The following SCAPER variants were observed in gnomAD, a reference collection of about 807,000 sequenced individuals.
SCAPER encodes the protein S phase cyclin A-associated protein in the endoplasmic reticulum.
SCAPER carries 98 observed loss-of-function variants against 182.2 expected under a neutral mutation model. The observed-to-expected ratio is 0.54, with a 90% CI of 0.46 to 0.64. The LOEUF (loss-of-function observed/expected upper bound fraction) is 0.64, where lower values mean the gene tolerates loss of function less well. Among genes scored for constraint, SCAPER ranks in the 30% least tolerant of loss-of-function variants. The pLI is 0.00. For missense variants in SCAPER, 1,432 were observed against 1,690.0 expected (o/e 0.85, Z 2.68); for synonymous variants, 605 against 564.6 (o/e 1.07, Z -1.01).
chr15:76,808,036 C>T (rs1370582146), intron 5 of SCAPER, among the ~76,000 whole-genome samples: 2 of 152,086 alleles, frequency 1.3e-5, no homozygotes, highest in Non-Finnish European at 2.9e-5. Flanking sequence ...GCAGAAGGGA[C>T]TCAGTATTCT....
intron 23 of SCAPER, among the ~76,000 whole-genome samples, chr15:76,515,932 G>A (rs2042381190): frequency 6.6e-6 from 1 of 152,150 alleles, no homozygotes; most frequent in Non-Finnish European, 1.5e-5. Flanking sequence ...CACAGCCTTG[G>A]AAAAGTCAAG....
intron 20 of SCAPER, among the ~76,000 whole-genome samples, chr15:76,692,415 G>A (rs530595727): frequency 6.6e-5 from 10 of 152,228 alleles, no homozygotes; most frequent in Admixed American, 2.0e-4. Flanking sequence ...AAGGCTGGGC[G>A]TGGTGGCTCT....
chr15:76,683,753 T>TG (rs991758493), intron 20 of SCAPER, among the ~76,000 whole-genome samples: 16 of 149,080 alleles, frequency 1.1e-4, no homozygotes, highest in East Asian at 4.0e-4. Flanking sequence ...CTGTAGGGGG[T>TG]GGGGGGGTCT....
At chr15:76,485,135 A>C (rs2051493575) in intron 24 of SCAPER, among the ~76,000 whole-genome samples, 1 of 152,224 alleles carries the variant, frequency 6.6e-6, no homozygotes, top group South Asian at 2.1e-4. Context: ...AGATGACATG[A>C]TCCTGCATCT....
chr15:76,898,239 A>G (rs2074542328), intron 1 of SCAPER, among the ~76,000 whole-genome samples: 1 of 152,230 alleles, frequency 6.6e-6, no homozygotes, highest in African/African-American at 2.4e-5. Context: ...TCTACCGTCA[A>G]AAAGACAAAA....
intron 5 of SCAPER, among the ~76,000 whole-genome samples, chr15:76,818,227 T>C (rs1481866086): frequency 6.6e-6 from 1 of 152,180 alleles, no homozygotes; most frequent in Admixed American, 6.5e-5. Context: ...GATGCTAGAA[T>C]AAATGGGACA....
At chr15:76,525,555 C>T (rs1010184404) in intron 23 of SCAPER, among the ~76,000 whole-genome samples, 14 of 152,054 alleles carry the variant, frequency 9.2e-5, no homozygotes, top group Non-Finnish European at 8.8e-5. Context: ...TTGTCCACTG[C>T]TTCCATCTTT....
In SCAPER at chr15:76,771,869, T is replaced by C. The variant is rs1176136732; in HGVS notation, c.1121A>G (p.His374Arg). Residue 374 changes from histidine (H) to arginine (R), a missense_variant, in exon 10 of 32, where the codon CAC becomes CGC. By Grantham distance (29) the His-to-Arg change is conservative (BLOSUM62 0). Around this residue, in one of 5 missense-constraint regions of SCAPER, gnomAD observed 480 missense variants for 510.2 expected, o/e 0.94. Coordinates refer to ENST00000563290, the MANE Select transcript of SCAPER (RefSeq NM_020843.4). Reference protein sequence around the residue: ...YVRTSEISAVHIDTECVSVML... With the variant: ...YVRTSEISAVRIDTECVSVML... ...AACTGAAACACACTCTGTATCAATG[T>C]GGACAGCAGATATTTCAGAAGTTCG... The C allele has an allele frequency of 1.9e-6, 3 of 1,613,106 alleles. No homozygotes were observed. Among genetic ancestry groups the C allele is most frequent in the South Asian group, 1.1e-5 (1 of 91,056 alleles).
chr15:76,801,539 T>A (rs1382496228), intron 6 of SCAPER, among the ~76,000 whole-genome samples: 2 of 152,214 alleles, frequency 1.3e-5, no homozygotes, highest in Non-Finnish European at 2.9e-5. Context: ...GATAATGCCA[T>A]CTATAGAGCA....
intron 18 of SCAPER, 29 bp from the exon 19 acceptor site, chr15:76,703,031 T>C (rs1057217252): frequency 1.3e-6 from 2 of 1,512,828 alleles, no homozygotes; most frequent in Admixed American, 2.5e-5. Flanking sequence ...TGCAAGAATT[T>C]CAAAAATTAT....
chr15:76,540,847 G>T (rs2044678500), intron 23 of SCAPER, among the ~76,000 whole-genome samples: 1 of 152,260 alleles, frequency 6.6e-6, no homozygotes, highest in East Asian at 1.9e-4. Context: ...TTGTGGCTGG[G>T]TGCAGTGGCT....
At chr15:76,517,354 T>TC (rs1395988207) in intron 23 of SCAPER, among the ~76,000 whole-genome samples, 1 of 141,656 alleles carries the variant, frequency 7.1e-6, no homozygotes, top group East Asian at 2.2e-4. Context: ...ATTAACATCT[T>TC]TTTTTTTTTT....
At chr15:76,546,364 T>C (rs566356085) in intron 23 of SCAPER, among the ~76,000 whole-genome samples, 1 of 152,212 alleles carries the variant, frequency 6.6e-6, no homozygotes, top group Admixed American at 6.6e-5. Context: ...AGATGTTTTT[T>C]CAACTGTGCT....
intron 25 of SCAPER, among the ~76,000 whole-genome samples, chr15:76,442,046 T>C (rs1037876580): frequency 1.3e-5 from 2 of 151,886 alleles, no homozygotes; most frequent in South Asian, 2.2e-4. Context: ...TATCTATCTA[T>C]CTATATATAC....
chr15:76,663,864 C>T (rs1191336452), intron 21 of SCAPER, among the ~76,000 whole-genome samples: 1 of 151,860 alleles, frequency 6.6e-6, no homozygotes. Flanking sequence ...AATCATACAT[C>T]AATGAAAAAA....
chr15:76,676,894 T>G (rs957713672), intron 20 of SCAPER, among the ~76,000 whole-genome samples: 5 of 150,854 alleles, frequency 3.3e-5, no homozygotes, highest in Admixed American at 2.6e-4. Context: ...AATATGTACT[T>G]TATTATAAAT....
At chr15:76,569,654 G>A (rs1220788331) in intron 23 of SCAPER, among the ~76,000 whole-genome samples, 1 of 151,914 alleles carries the variant, frequency 6.6e-6, no homozygotes, top group African/African-American at 2.4e-5. Flanking sequence ...TCCTTTTGGA[G>A]CTCTAATTAT....
chr15:76,451,730 A>G (rs1159191059), intron 25 of SCAPER, among the ~76,000 whole-genome samples: 1 of 152,190 alleles, frequency 6.6e-6, no homozygotes, highest in Admixed American at 6.6e-5. Context: ...GGGCACAGAA[A>G]CAGGAACTTA....
chr15:76,471,654 G>A (rs1475174777), intron 24 of SCAPER, among the ~76,000 whole-genome samples: 1 of 152,076 alleles, frequency 6.6e-6, no homozygotes, highest in African/African-American at 2.4e-5. Context: ...TAGGAACCTT[G>A]GTTCTTGAAA....
Sources: allele counts gnomAD v4.1 joint callset (sites outside exome capture counted in the v4.1 genomes callset), GRCh38; gene constraint gnomAD v4.1.1; regional missense constraint gnomAD v4.1.1; transcripts MANE v1.5; gene names NCBI Gene and HGNC (gene_info 2026-07-23, HGNC 2026-07-21).